The following GPR137 variants were observed in gnomAD, a reference collection of about 807,000 sequenced individuals.
GPR137 encodes the protein integral membrane protein GPR137.
GPR137 carries 20 observed loss-of-function variants against 38.9 expected under a neutral mutation model. The ratio of observed to expected loss-of-function variants is 0.51; its 90% confidence interval spans 0.36 to 0.75. GPR137 has a LOEUF of 0.75. GPR137 is among the 30% of genes least tolerant of loss of function. The pLI, the probability that GPR137 is intolerant of heterozygous loss-of-function variation, is 0.00. For missense variants in GPR137, 456 were observed against 526.4 expected (o/e 0.87, Z 1.31); for synonymous variants, 226 against 235.8 (o/e 0.96, Z 0.38).
upstream of GPR137, among the ~76,000 whole-genome samples, chr11:64,274,895 G>T (rs1424716141): frequency 7.0e-6 from 1 of 143,152 alleles, no homozygotes; most frequent in Admixed American, 7.5e-5. Context: ...TAAGGCACAA[G>T]AATCACTTGA....
upstream of GPR137, among the ~76,000 whole-genome samples, chr11:64,280,163 CA>C (rs1456032249): frequency 1.3e-5 from 2 of 150,218 alleles, no homozygotes. Context: ...TAAAAACACA[CA>C]AAAAAATTAG....
In GPR137 at chr11:64,278,757, C is replaced by T. The variant is rs528039600; in HGVS notation, c.-16+2336C>T. 2.0e-5 allele frequency among the ~76,000 whole-genome samples: 3 copies of T among 152,334 alleles called. No individual in the cohort carries two copies. In the East Asian group the frequency reaches 5.8e-4, roughly 29 times the overall value. ...TGTCACAGCACAAGGTGGCTGCAGT[C>T]CCTGCCCTGGGGACACCTCAGCCAT... On this transcript the variant is annotated intron_variant, in intron 2 of 2. Coordinates refer to the GPR137 transcript ENST00000538244.
upstream of GPR137, among the ~76,000 whole-genome samples, chr11:64,280,181 A>G (rs188234250): frequency 0.01 from 1,557 of 150,856 alleles, 6 homozygotes; most frequent in South Asian, 0.025. Flanking sequence ...TTAGCTGGGC[A>G]TGGTGGCGGG....
At chr11:64,281,942 A>G (rs1452731118), upstream of GPR137, among the ~76,000 whole-genome samples, 1 of 152,134 alleles carries the variant, frequency 6.6e-6, no homozygotes, top group African/African-American at 2.4e-5. Context: ...GATGGTCTCC[A>G]TCTCTTCACC....
chr11:64,284,266 C>G (rs372175324), upstream of GPR137: 11 of 1,611,366 alleles, frequency 6.8e-6, no homozygotes, highest in East Asian at 2.2e-4. Context: ...TGATGCTTGC[C>G]GGAGCCTGAG....
Position 64,286,871 on chromosome 11 carries a change from A to C in GPR137, c.347A>C (p.Tyr116Ser). Residue 116 changes from tyrosine to serine, a missense_variant, in exon 1 of 7, where the codon TAC becomes TCC. Tyr to Ser is a moderately radical substitution (Grantham distance 144, BLOSUM62 -2). Transcript: ENST00000438980. ...TTCACCTTGACGCTTATGAACCTCT[A>C]CTTTGCCCAGGTAACCAACTGTGGT... Reference protein sequence around the residue: ...QFFTLTLMNLYFAQVVFKAKV... With the variant: ...QFFTLTLMNLSFAQVVFKAKV... 6.2e-7 allele frequency: 1 copy of C among 1,601,094 alleles called. No individual in the cohort carries two copies.
chr11:64,288,583 A>G lies in GPR137; in HGVS notation c.913-20A>G. ...CAGTGCAGGACAGGAGTAAGTATCG[A>G]TGATGGCTTCCTCCCCCAGAGCACC... On this transcript the variant is annotated intron_variant, in intron 5 of 6. Coordinates refer to ENST00000438980, the MANE Select transcript of GPR137 (RefSeq NM_001170880.2). This position sits in a 1 kb window ranked among gnomAD's most constrained non-coding sequence, Gnocchi z 5.5. 1 of 1,613,446 alleles carries G rather than the reference A, an allele frequency of 6.2e-7. No individual in the cohort carries two copies. The highest frequency in any genetic ancestry group is 8.5e-7 in the Non-Finnish European group (1 of 1,179,794).
upstream of GPR137, chr11:64,271,915 G>A: frequency 2.2e-6 from 2 of 893,796 alleles, no homozygotes; most frequent in Non-Finnish European, 3.0e-6. Context: ...GGTCTTCCAG[G>A]GGCGCATCAC....
At chr11:64,271,642 T>C, upstream of GPR137, 2 of 1,503,182 alleles carry the variant, frequency 1.3e-6, no homozygotes, top group Non-Finnish European at 1.8e-6. Context: ...TCGTCACTCA[T>C]CCTCCGGAGC....
At chr11:64,285,597 C>G, upstream of GPR137, 3 of 983,896 alleles carry the variant, frequency 3.0e-6, no homozygotes, top group Non-Finnish European at 2.4e-6. Context: ...AACTGGCGGA[C>G]CCCCATACAA....
upstream of GPR137, among the ~76,000 whole-genome samples, chr11:64,271,423 T>G (rs1591131313): frequency 4.2e-5 from 6 of 142,746 alleles, no homozygotes; most frequent in East Asian, 2.0e-4. Context: ...GGGGAAGAGC[T>G]GGGGAGTGGG....
upstream of GPR137, chr11:64,271,953 T>G (rs1473509907): frequency 3.9e-6 from 2 of 517,472 alleles, no homozygotes; most frequent in Admixed American, 4.3e-5. Context: ...CCCAGTCCCT[T>G]GTATGTGAAT....
chr11:64,286,799 C>A lies in GPR137; in HGVS notation c.275C>A (p.Pro92His), dbSNP rs2034129248. ...RDTPRANRLG[P>H]LPFWLLYCCP... ...ACTCCCCGCGCCAACCGCCTGGGGC[C>A]CTTGCCCTTCTGGCTTCTCTACTGC... is the stretch of plus-strand genomic sequence containing the variant. The change falls in exon 1 of 7, where the codon CCC (proline) becomes CAC (histidine). Residue 92 changes from proline to histidine, a missense_variant. Physicochemically the swap from Pro to His is moderately conservative, Grantham distance 77. Coordinates refer to ENST00000438980, the MANE Select transcript of GPR137 (RefSeq NM_001170880.2). 1 of 1,605,710 alleles carries A rather than the reference C, an allele frequency of 6.2e-7. No homozygotes were observed. Among genetic ancestry groups the A allele is most frequent in the Non-Finnish European group, 8.5e-7 (1 of 1,174,654 alleles).
upstream of GPR137, chr11:64,284,532 C>A: frequency 6.6e-7 from 1 of 1,522,848 alleles, no homozygotes; most frequent in South Asian, 1.2e-5. Context: ...TCTGGCCTGG[C>A]AGGGAGCTGA....
Position 64,288,367 on chromosome 11 carries a change from A to AT in GPR137, c.811_812insT (p.Lys271IlefsTer53). The AT allele has an allele frequency of 6.2e-7, 1 of 1,613,936 alleles. No homozygotes were observed. The highest frequency in any genetic ancestry group is 8.5e-7 in the Non-Finnish European group (1 of 1,179,978). ...GGACCTGGTGAATGACCTGGGGAAC[A>AT]AAGGCTACCTGGTATTTGGCCTCAT... On this transcript the variant is annotated frameshift_variant, in exon 5 of 7. Transcript: ENST00000438980. LOFTEE classifies it high-confidence loss of function. The surrounding 1 kb of genome is among the most constrained non-coding windows in gnomAD (Gnocchi z 5.5).
At chr11:64,283,386 C>A (rs1157643065), upstream of GPR137, among the ~76,000 whole-genome samples, 1 of 152,184 alleles carries the variant, frequency 6.6e-6, no homozygotes. Context: ...TGTTGTTGTT[C>A]CAGGTGCCAA....
upstream of GPR137, chr11:64,285,822 G>C: frequency 2.0e-6 from 2 of 985,254 alleles, no homozygotes; most frequent in African/African-American, 1.7e-5. Flanking sequence ...AACGGCGCCC[G>C]CGCAGGCGCG....
At position 64,288,807 on chromosome 11, in the gene GPR137, G is replaced by A. The variant is rs1468329847; in HGVS notation, c.1031+86G>A. ...CAAGCTATGGGGGACCGAGATAGCC[G>A]GGTCTTGCCTTCCACCCCTGCCATG... On this transcript the variant is annotated intron_variant, in intron 6 of 6. Coordinates refer to ENST00000438980, the MANE Select transcript of GPR137 (RefSeq NM_001170880.2). The surrounding 1 kb of genome is among the most constrained non-coding windows in gnomAD (Gnocchi z 5.5). 8.6e-6 allele frequency: 12 copies of A among 1,389,852 alleles called. No homozygotes were observed. The highest frequency in any genetic ancestry group is 4.4e-5 in the South Asian group (3 of 68,048). 86.1% of individuals were successfully genotyped at this position (1,389,852 alleles called of 1,614,324 possible).
chr11:64,283,794 C>CTATA (rs151169982), upstream of GPR137, among the ~76,000 whole-genome samples: 8 of 150,764 alleles, frequency 5.3e-5, no homozygotes, highest in African/African-American at 1.2e-4. Flanking sequence ...CTAATAGCTG[C>CTATA]TATATATATA....
Sources: gnomAD v4.1 joint callset for allele counts (sites outside exome capture counted in the v4.1 genomes callset) on GRCh38, gnomAD v4.1.1 for gene constraint, Gnocchi (gnomAD v3.1) non-coding constraint, MANE v1.5 for transcripts, NCBI Gene and HGNC (gene_info 2026-07-23, HGNC 2026-07-21) for gene names.